MAGI3: variants seen among roughly 807,000 people sequenced by gnomAD.
MAGI3 encodes membrane associated guanylate kinase, WW and PDZ domain containing 3, also known as membrane-associated guanylate kinase, WW and PDZ domain-containing protein 3.
A neutral mutation model predicts 121.8 loss-of-function variants in MAGI3; 43 were observed. The ratio of observed to expected loss-of-function variants is 0.35; its 90% CI spans 0.28 to 0.46. The LOEUF (loss-of-function observed/expected upper bound fraction) is 0.46, where lower values mean the gene tolerates loss of function less well. Among genes scored for constraint, MAGI3 ranks in the 20% least tolerant of loss-of-function variants. The pLI, the probability that MAGI3 is intolerant of heterozygous loss-of-function variation, is 1.00. For synonymous variants in MAGI3, 553 were observed against 639.3 expected, an observed-to-expected ratio of 0.86 and a Z score of 2.04; for missense variants, 1,547 against 1,797.3, an observed-to-expected ratio of 0.86 and a Z score of 2.52.
chr1:113,545,143 A>C (rs1397397892), intron 1 of MAGI3, among the ~76,000 whole-genome samples: 1 of 152,106 alleles, frequency 6.6e-6, no homozygotes, highest in Non-Finnish European at 1.5e-5. Flanking sequence ...AGAGAGAGAC[A>C]AATGTCCTAG....
chr1:113,676,420 A>T (rs1647868516), intron 19 of MAGI3, among the ~76,000 whole-genome samples: 1 of 152,206 alleles, frequency 6.6e-6, no homozygotes, highest in South Asian at 2.1e-4. Context: ...ACAACATGAC[A>T]TGCTTTATGA....
chr1:113,629,762 C>G (rs895673516), intron 9 of MAGI3, among the ~76,000 whole-genome samples: 1 of 135,752 alleles, frequency 7.4e-6, no homozygotes, highest in South Asian at 2.7e-4. Flanking sequence ...CTCTCTCTCT[C>G]CCTCCCTCCC....
chr1:113,681,504 G>A (rs1001168654), intron 20 of MAGI3, among the ~76,000 whole-genome samples, 168 bp downstream of exon 20: 1 of 152,190 alleles, frequency 6.6e-6, no homozygotes, highest in Non-Finnish European at 1.5e-5. Context: ...AATAGTATTA[G>A]AAAACAAGTG....
At chr1:113,670,170 C>T (rs1420737729) in intron 16 of MAGI3, among the ~76,000 whole-genome samples, 1 of 152,132 alleles carries the variant, frequency 6.6e-6, no homozygotes, top group African/African-American at 2.4e-5. Context: ...TGTTCACACC[C>T]AAGCCCAGCA....
chr1:113,489,071 T>G (rs1398775526), intron 1 of MAGI3, among the ~76,000 whole-genome samples: 1 of 152,160 alleles, frequency 6.6e-6, no homozygotes, highest in Non-Finnish European at 1.5e-5. Flanking sequence ...TGCTGGCACA[T>G]GCAAATGAGG....
intron 1 of MAGI3, among the ~76,000 whole-genome samples, chr1:113,486,074 G>C (rs1448118219): frequency 6.6e-6 from 1 of 152,188 alleles, no homozygotes; most frequent in African/African-American, 2.4e-5. Context: ...TGGCCTTATA[G>C]TGTAGTTTGA....
In MAGI3 at chr1:113,683,749, G is replaced by T. The variant is rs1416614774; in HGVS notation, c.4181G>T (p.Ser1394Ile). ...AAGAAAGTAACCACAGGAGAAACAA[G>T]TTCTAGTAACGATAAAATAGGAGAA... Reference protein sequence around the residue: ...KGKKVTTGETSSSNDKIGENV... With the variant: ...KGKKVTTGETISSNDKIGENV... Residue 1394 changes from serine (S) to isoleucine (I), a missense_variant, in exon 21 of 21, where the codon AGT becomes ATT. Coordinates refer to ENST00000307546, the MANE Select transcript of MAGI3 (RefSeq NM_001142782.2). 1.4e-5 allele frequency: 23 copies of T among 1,602,544 alleles called. No individual in the cohort carries two copies. The highest frequency in any genetic ancestry group is 1.5e-5 in the Non-Finnish European group (18 of 1,174,016).
intron 1 of MAGI3, among the ~76,000 whole-genome samples, chr1:113,402,085 C>T (rs899521126): frequency 1.3e-5 from 2 of 152,160 alleles, no homozygotes; most frequent in African/African-American, 4.8e-5. Flanking sequence ...AGAGCAGAGA[C>T]TAGAACTCAG....
At chr1:113,481,516 GT>G (rs796441690) in intron 1 of MAGI3, among the ~76,000 whole-genome samples, 2 of 149,436 alleles carry the variant, frequency 1.3e-5, no homozygotes, top group Non-Finnish European at 3.0e-5. Flanking sequence ...TTTTACCTTT[GT>G]TTTTTTTTCT....
chr1:113,559,164 G>A (rs1257027833), intron 2 of MAGI3, among the ~76,000 whole-genome samples: 1 of 152,204 alleles, frequency 6.6e-6, no homozygotes, highest in African/African-American at 2.4e-5. Context: ...AAAATAACCA[G>A]CTAGCATCAT....
intron 1 of MAGI3, among the ~76,000 whole-genome samples, chr1:113,549,193 G>A (rs1241143868): frequency 1.3e-5 from 2 of 152,168 alleles, no homozygotes; most frequent in African/African-American, 4.8e-5. Context: ...TATGAATGTG[G>A]AAGTTATCAT....
chr1:113,514,523 G>C (rs1484282159), intron 1 of MAGI3, among the ~76,000 whole-genome samples: 1 of 148,944 alleles, frequency 6.7e-6, no homozygotes, highest in Non-Finnish European at 1.5e-5. Flanking sequence ...ACTATCGCAA[G>C]AACAAAAAAC....
chr1:113,416,308 A>AATTAATTATGTG (rs1252749207), intron 1 of MAGI3, among the ~76,000 whole-genome samples: 2 of 133,514 alleles, frequency 1.5e-5, no homozygotes, highest in African/African-American at 5.6e-5. Flanking sequence ...TTAATTATGT[A>AATTAATTATGTG]ATTAATTATG....
chr1:113,628,445 G>A (rs1376014563), intron 9 of MAGI3, among the ~76,000 whole-genome samples: 1 of 152,104 alleles, frequency 6.6e-6, no homozygotes, highest in African/African-American at 2.4e-5. Flanking sequence ...TTCTACCTAA[G>A]AGTATGTTAC....
chr1:113,545,458 A>G (rs112047145), intron 1 of MAGI3, among the ~76,000 whole-genome samples: 4 of 152,338 alleles, frequency 2.6e-5, no homozygotes, highest in African/African-American at 9.6e-5. Flanking sequence ...ACATGATGAA[A>G]TTAGATTGTA....
rs72997062 is a variant in MAGI3 at position 113,457,020 on chromosome 1, T to C, written c.316+65671T>C. Among the ~76,000 whole-genome samples the C allele has an allele frequency of 1.0e-3, 155 of 152,248 alleles. 1 individual carries two copies. Among genetic ancestry groups the C allele is most frequent in the African/African-American group, 3.6e-3 (149 of 41,540 alleles). On this transcript the variant is annotated intron_variant, in intron 1 of 20. Coordinates refer to ENST00000307546, the MANE Select transcript of MAGI3 (RefSeq NM_001142782.2). ...AACTTTTGGAATTAGTAAGAATAGG[T>C]ATGAATTAATATGAGAGTTGAGTTG...
At chr1:113,483,298 C>T (rs1020994938) in intron 1 of MAGI3, among the ~76,000 whole-genome samples, 1 of 152,102 alleles carries the variant, frequency 6.6e-6, no homozygotes, top group Non-Finnish European at 1.5e-5. Flanking sequence ...GTTTGTGTCT[C>T]CCCACAATCC....
At chr1:113,523,092 GA>G (rs1460933779) in intron 1 of MAGI3, among the ~76,000 whole-genome samples, 2 of 152,154 alleles carry the variant, frequency 1.3e-5, no homozygotes, top group African/African-American at 4.8e-5. Context: ...TTTATAAGGG[GA>G]AGTTTCCCTG....
intron 1 of MAGI3, among the ~76,000 whole-genome samples, chr1:113,509,084 A>G (rs1452447512): frequency 2.6e-5 from 4 of 152,156 alleles, no homozygotes; most frequent in Non-Finnish European, 5.9e-5. Flanking sequence ...TTGTTTGCAT[A>G]TTTACCCAAA....
Sources: gnomAD v4.1 joint callset for allele counts (sites outside exome capture counted in the v4.1 genomes callset) on GRCh38, gnomAD v4.1.1 for gene constraint, MANE v1.5 for transcripts, NCBI Gene and HGNC (gene_info 2026-07-23, HGNC 2026-07-21) for gene names.